The following CCDC171 variants were observed in gnomAD, a reference collection of about 807,000 sequenced individuals.
CCDC171 encodes the protein coiled-coil domain containing 171, also known as coiled-coil domain-containing protein 171.
In CCDC171, 177 loss-of-function variants were observed where a neutral mutation model predicts 168.2. The observed-to-expected ratio is 1.05, with a 90% confidence interval of 0.93 to 1.19. CCDC171 has a LOEUF of 1.19. CCDC171 is among the 50% of genes most tolerant of loss of function. The pLI is 0.00. For missense variants in CCDC171, 1,991 were observed against 1,539.0 expected (o/e 1.29, Z -4.91); for synonymous variants, 687 against 540.8 (o/e 1.27, Z -3.75).
chr9:15,809,580 GT>G (rs754921867), intron 21 of CCDC171, among the ~76,000 whole-genome samples: 34 of 152,160 alleles, frequency 2.2e-4, no homozygotes, highest in Admixed American at 7.2e-4. Context: ...CTTTCGCGGT[GT>G]GTGTTACAGC....
At chr9:16,097,909 C>T in the CCDC171 span, among the ~76,000 whole-genome samples, 5 of 152,242 alleles carry the variant, frequency 3.3e-5, no homozygotes, top group South Asian at 1.0e-3. Flanking sequence ...GCACCCCATG[C>T]ATCCTGCCCT....
intron 7 of CCDC171, among the ~76,000 whole-genome samples, chr9:15,648,248 C>G (rs974575300): frequency 6.6e-6 from 1 of 152,260 alleles, no homozygotes; most frequent in Non-Finnish European, 1.5e-5. Context: ...GGACGTATCT[C>G]AAAATAATAA....
At chr9:15,948,414 A>G (rs1465145807) in intron 25 of CCDC171, among the ~76,000 whole-genome samples, 1 of 139,500 alleles carries the variant, frequency 7.2e-6, no homozygotes, top group Non-Finnish European at 1.6e-5. Context: ...GACTTCCACA[A>G]TGGTAGAACT....
intron 21 of CCDC171, among the ~76,000 whole-genome samples, chr9:15,785,933 A>T (rs16933626): frequency 0.028 from 4,245 of 151,986 alleles, 206 homozygotes; most frequent in African/African-American, 0.095. Flanking sequence ...AAACTTGCCC[A>T]GGGTATCCTG....
intron 7 of CCDC171, among the ~76,000 whole-genome samples, chr9:15,651,765 G>A (rs1355366136): frequency 6.6e-6 from 1 of 152,062 alleles, no homozygotes; most frequent in African/African-American, 2.4e-5. Flanking sequence ...GGACACCTAG[G>A]TTGATTACAT....
intron 13 of CCDC171, among the ~76,000 whole-genome samples, chr9:15,724,058 A>G (rs1434695200): frequency 1.3e-5 from 2 of 152,196 alleles, no homozygotes; most frequent in Non-Finnish European, 2.9e-5. Flanking sequence ...CGTACTAAAC[A>G]TATTTTACAT....
chr9:15,990,811 G>T (rs1488466106), intron 3 of CCDC171, among the ~76,000 whole-genome samples: 3 of 152,154 alleles, frequency 2.0e-5, no homozygotes, highest in African/African-American at 4.8e-5. Flanking sequence ...AGCCAACAAA[G>T]ATCAAAAGAG....
At chr9:15,988,873 G>T (rs1293158939) in intron 3 of CCDC171, among the ~76,000 whole-genome samples, 3 of 152,194 alleles carry the variant, frequency 2.0e-5, no homozygotes, top group Non-Finnish European at 2.9e-5. Context: ...CGGCAGCAGG[G>T]CTGGGGGAGG....
chr9:16,105,523 G>T, the CCDC171 span, among the ~76,000 whole-genome samples: 1 of 152,100 alleles, frequency 6.6e-6, no homozygotes. Context: ...TGGCTTGATG[G>T]CCTCGTAATT....
chr9:15,587,787 C>T (rs1322954416), intron 4 of CCDC171: 6 of 297,512 alleles, frequency 2.0e-5, no homozygotes, highest in African/African-American at 1.1e-4. Context: ...ATGAGGAAAC[C>T]CTTTAAAATG....
At chr9:15,655,536 C>G (rs1273715400) in intron 7 of CCDC171, among the ~76,000 whole-genome samples, 1 of 152,172 alleles carries the variant, frequency 6.6e-6, no homozygotes, top group South Asian at 2.1e-4. Context: ...GAAACTGACT[C>G]TTGCCTGAAA....
At chr9:15,743,246 G>T (rs920439269) in intron 16 of CCDC171, among the ~76,000 whole-genome samples, 6 of 135,666 alleles carry the variant, frequency 4.4e-5, no homozygotes, top group Non-Finnish European at 6.1e-5. Context: ...GCTCACTGCA[G>T]CCTCAACCTC....
chr9:15,836,573 G>A (rs1340171528), intron 21 of CCDC171, among the ~76,000 whole-genome samples: 1 of 152,194 alleles, frequency 6.6e-6, no homozygotes, highest in African/African-American at 2.4e-5. Flanking sequence ...GGATGGTCTC[G>A]ATCTCCTGAC....
At chr9:15,978,086 G>A (rs1015785876), downstream of CCDC171, among the ~76,000 whole-genome samples, 2 of 152,092 alleles carry the variant, frequency 1.3e-5, no homozygotes, top group Non-Finnish European at 2.9e-5. Context: ...GCTTTGGAAC[G>A]TAGACACTCC....
intron 3 of CCDC171, among the ~76,000 whole-genome samples, chr9:15,576,810 A>G (rs543521636): frequency 3.4e-4 from 52 of 152,290 alleles, no homozygotes; most frequent in African/African-American, 1.1e-3. Context: ...CTCCTGGAGC[A>G]GACTGCATTT....
chr9:15,588,999 C>G (rs185901405), intron 4 of CCDC171, among the ~76,000 whole-genome samples: 1 of 151,612 alleles, frequency 6.6e-6, no homozygotes, highest in Non-Finnish European at 1.5e-5. Flanking sequence ...CGTGAGCCAC[C>G]GCACCCAGCC....
chr9:15,611,803 C>T (rs1449244290), intron 6 of CCDC171, among the ~76,000 whole-genome samples: 2 of 152,100 alleles, frequency 1.3e-5, no homozygotes, highest in Non-Finnish European at 2.9e-5. Context: ...CTCCTGTATT[C>T]ATTTTTACTA....
At chr9:15,617,418 C>T (rs1230095675) in intron 6 of CCDC171, among the ~76,000 whole-genome samples, 2 of 150,754 alleles carry the variant, frequency 1.3e-5, no homozygotes, top group East Asian at 3.9e-4. Flanking sequence ...GCGCTGTCAC[C>T]CAGGCTGGAA....
intron 25 of CCDC171, among the ~76,000 whole-genome samples, chr9:15,952,597 A>C (rs1003901752): frequency 1.3e-5 from 2 of 152,056 alleles, no homozygotes; most frequent in African/African-American, 2.4e-5. Flanking sequence ...GGGTTTCTCC[A>C]TGTTGGTCAG....
Sources: gnomAD v4.1 joint callset for allele counts (sites outside exome capture counted in the v4.1 genomes callset) on GRCh38, gnomAD v4.1.1 for gene constraint, MANE v1.5 for transcripts, NCBI Gene and HGNC (gene_info 2026-07-23, HGNC 2026-07-21) for gene names.